Variants in ENDOU observed in about 807,000 individuals in gnomAD.
ENDOU encodes endonuclease, poly(U) specific, also known as uridylate-specific endoribonuclease.
Under a neutral mutation model 54.2 loss-of-function variants are expected in ENDOU, and 49 were observed. The observed-to-expected ratio is 0.90, with a 90% CI of 0.72 to 1.15. The LOEUF (loss-of-function observed/expected upper bound fraction) is 1.15, where lower values mean the gene tolerates loss of function less well. Ranked by LOEUF, ENDOU falls within the 50% of genes most tolerant of loss-of-function variation. The pLI, the probability that ENDOU is intolerant of heterozygous loss-of-function variation, is 0.00. For synonymous variants in ENDOU, 172 were observed against 190.5 expected (o/e 0.90, Z 0.80); for missense variants, 458 against 511.4 (o/e 0.90, Z 1.01).
intron 5 of ENDOU, among the ~76,000 whole-genome samples, 187 bp from the exon 6 acceptor site, chr12:47,716,686 GT>G (rs1363716097): frequency 1.4e-4 from 21 of 152,150 alleles, no homozygotes; most frequent in Non-Finnish European, 3.1e-4. Flanking sequence ...TGGAAGAGCT[GT>G]TCTATCCTCA....
chr12:47,716,742 C>A, intron 5 of ENDOU, 148 bp downstream of exon 5: 2 of 793,652 alleles, frequency 2.5e-6, no homozygotes, highest in African/African-American at 1.7e-5. Flanking sequence ...ATCCACAGTC[C>A]CTCAAGATGG....
intron 1 of ENDOU, among the ~76,000 whole-genome samples, chr12:47,724,825 C>T (rs1940535462): frequency 1.3e-5 from 2 of 152,274 alleles, no homozygotes; most frequent in South Asian, 4.1e-4. Context: ...TTCCTCTGAC[C>T]CCTGTACAGC....
Position 47,710,603 on chromosome 12 carries a change from G to T in ENDOU, c.*199C>A, listed in dbSNP as rs1339803499. On this transcript the variant is annotated 3_prime_UTR_variant, in exon 10 of 10. Transcript: ENST00000422538. ...ATTGCCAAAATTCTAGAGGATAAAG[G>T]TTTGACTGTTTATCCACATTTTTCT... 7 of 543,466 alleles carry T rather than the reference G, an allele frequency of 1.3e-5. No homozygotes were observed. Among genetic ancestry groups the T allele is most frequent in the African/African-American group, 3.8e-5 (2 of 52,674 alleles). 33.7% of individuals were successfully genotyped at this position (543,466 alleles called of 1,614,324 possible).
At chr12:47,720,316 T>C (rs1197044780) in intron 2 of ENDOU, 1 of 155,984 alleles carries the variant, frequency 6.4e-6, no homozygotes, top group Non-Finnish European at 1.4e-5. Flanking sequence ...AAGAGTGGTA[T>C]GAATCGTGTC....
chr12:47,717,891 C>A (rs1940311464), intron 3 of ENDOU: 2 of 607,528 alleles, frequency 3.3e-6, no homozygotes, highest in Non-Finnish European at 5.7e-6. Flanking sequence ...AAAATAAAAT[C>A]TCTTCCACTT....
At chr12:47,716,170 C>T in intron 6 of ENDOU, 130 bp downstream of exon 6, 1 of 890,760 alleles carries the variant, frequency 1.1e-6, no homozygotes, top group South Asian at 1.5e-5. Flanking sequence ...CTCATCCCTC[C>T]CAGATGTACA....
chr12:47,722,918 A>G (rs1445069081), intron 1 of ENDOU, among the ~76,000 whole-genome samples: 2 of 152,250 alleles, frequency 1.3e-5, no homozygotes, highest in African/African-American at 2.4e-5. Context: ...CTTGAATGTT[A>G]AATGATGCTC....
chr12:47,712,472 G>T, intron 8 of ENDOU, 44 bp downstream of exon 8: 2 of 1,422,424 alleles, frequency 1.4e-6, no homozygotes, highest in Non-Finnish European at 2.0e-6. Context: ...AGTGAGAGCA[G>T]GATATCTGGG....
chr12:47,710,771 C>A lies in ENDOU; in HGVS notation c.*31G>T. 6.9e-7 allele frequency: 1 copy of A among 1,448,696 alleles called. No individual in the cohort carries two copies. The highest frequency in any genetic ancestry group is 9.7e-7 in the Non-Finnish European group (1 of 1,028,894). The allele number at this position is 1,448,696 out of a possible 1,614,324, so 89.7% of individuals were successfully genotyped here. A position where few individuals can be genotyped will look rare whatever the true frequency, so the allele number is the denominator to read the frequency against. On this transcript the variant is annotated 3_prime_UTR_variant, in exon 10 of 10. Transcript: ENST00000422538. ...AGATAGCACTTCAGTCTCGCAAGAG[C>A]CCTCATGCCCCTTTCTGGCTCGAAG...
intron 5 of ENDOU, among the ~76,000 whole-genome samples, 170 bp downstream of exon 5, chr12:47,716,717 CCCT>C (rs1940251124): frequency 6.6e-6 from 1 of 152,188 alleles, no homozygotes; most frequent in Non-Finnish European, 1.5e-5. Context: ...ATCACAGAAA[CCCT>C]CCCAACTGGA....
rs754803823 is a variant in ENDOU at position 47,712,557 on chromosome 12, CCTT to C, written c.928_930del (p.Lys310del). On this transcript the variant is annotated inframe_deletion, in exon 8 of 10. Transcript: ENST00000422538. ...TGACTGTAATAGTCAACCAGACCCT[CCTT>C]CTCCTCCAGGTAGAAGCGGATCCAG... 10 of 1,614,190 alleles carry C rather than the reference CCTT, an allele frequency of 6.2e-6. No homozygotes were observed. The highest frequency in any genetic ancestry group is 5.5e-5 in the South Asian group (5 of 91,080).
chr12:47,724,485 T>C (rs1940527336), intron 1 of ENDOU, among the ~76,000 whole-genome samples: 1 of 152,232 alleles, frequency 6.6e-6, no homozygotes, highest in Admixed American at 6.5e-5. Context: ...TCCAGTTCAC[T>C]GAGATCTCAC....
chr12:47,718,022 C>G, intron 3 of ENDOU, 107 bp downstream of exon 3: 1 of 1,001,950 alleles, frequency 1.0e-6, no homozygotes, highest in Non-Finnish European at 1.5e-6. Context: ...CCTCTCTCAT[C>G]TGGCTGAGGC....
chr12:47,721,872 A>G lies in ENDOU; in HGVS notation c.56-997T>C, dbSNP rs116094365. Among the ~76,000 whole-genome samples, 590 of 152,346 alleles carry G rather than the reference A, an allele frequency of 3.9e-3. 5 individuals carry two copies. Among genetic ancestry groups the G allele is most frequent in the African/African-American group, 0.014 (573 of 41,578 alleles). On this transcript the variant is annotated intron_variant, in intron 1 of 9. Transcript: ENST00000422538. ...GGGTTCAGAGGTCATACTGTGGGTTACAGAGAATGTCAAGATCAGAGTCAG... is the reference window on the plus strand; with the variant it reads ...GGGTTCAGAGGTCATACTGTGGGTTGCAGAGAATGTCAAGATCAGAGTCAG...
intron 1 of ENDOU, among the ~76,000 whole-genome samples, chr12:47,724,912 C>G (rs945017582): frequency 6.6e-6 from 1 of 152,184 alleles, no homozygotes; most frequent in Admixed American, 6.5e-5. Context: ...TCCTAAGGCT[C>G]TACCCAAAGT....
intron 6 of ENDOU, among the ~76,000 whole-genome samples, chr12:47,715,459 T>C (rs1940193131): frequency 6.6e-6 from 1 of 152,368 alleles, no homozygotes; most frequent in East Asian, 1.9e-4. Context: ...GATTCTCTTG[T>C]GTATTTACTA....
chr12:47,718,242 C>T, intron 2 of ENDOU, 48 bp from the exon 3 acceptor site: 1 of 1,505,260 alleles, frequency 6.6e-7, no homozygotes, highest in Non-Finnish European at 9.1e-7. Context: ...GAGAATTCCC[C>T]TGCTGCTTGG....
chr12:47,719,336 G>T (rs997492543), intron 2 of ENDOU: 5 of 152,108 alleles, frequency 3.3e-5, no homozygotes, highest in Admixed American at 6.6e-5. Flanking sequence ...GGCTGATCTC[G>T]GCCTGGGTCT....
chr12:47,720,976 G>A, intron 1 of ENDOU, 101 bp from the exon 2 acceptor site: 1 of 1,111,824 alleles, frequency 9.0e-7, no homozygotes, highest in East Asian at 2.6e-5. Flanking sequence ...GAGTGTACCT[G>A]GCAGGGAAGG....
Sources: gnomAD v4.1 joint callset for allele counts (sites outside exome capture counted in the v4.1 genomes callset) on GRCh38, gnomAD v4.1.1 for gene constraint, MANE v1.5 for transcripts, NCBI Gene and HGNC (gene_info 2026-07-23, HGNC 2026-07-21) for gene names.